PLA2G4F: variants seen among roughly 807,000 people sequenced by gnomAD.
The protein encoded by PLA2G4F is cytosolic phospholipase A2 zeta.
In PLA2G4F, 105 loss-of-function variants were observed where a neutral mutation model predicts 103.1. The ratio of observed to expected loss-of-function variants is 1.02; its 90% confidence interval spans 0.87 to 1.20. The LOEUF is 1.20. Among genes scored for constraint, PLA2G4F ranks in the 50% most tolerant of loss-of-function variants. The probability of loss-of-function intolerance (pLI) is 0.00; values close to 1 mark genes in which losing one functional copy is unlikely to be tolerated. For synonymous variants in PLA2G4F, 468 were observed against 441.1 expected (o/e 1.06, Z -0.76); for missense variants, 1,155 against 1,075.9 (o/e 1.07, Z -1.03).
rs773932991 is a variant in PLA2G4F at position 42,147,142 on chromosome 15, C to T, written c.1401G>A (p.Glu467=). 1.9e-6 allele frequency: 3 copies of T among 1,612,530 alleles called. No homozygotes were observed. Among genetic ancestry groups the T allele is most frequent in the Non-Finnish European group, 2.5e-6 (3 of 1,179,936 alleles). ...CTCTCACCTCCTGGTACAGGAGATA[C>T]TCAACAAGGAGGCCCCAGAGGTCGA... The part of the protein sequence containing the change: ...SLIDLWGLLV[E]YLLYQEENPA... The change falls in exon 13 of 20, where the codon GAG becomes GAA. Residue 467 remains glutamate (E), a synonymous_variant. Transcript: ENST00000397272.
chr15:42,156,113 T>C (rs1351405388), intron 1 of PLA2G4F, among the ~76,000 whole-genome samples: 1 of 151,834 alleles, frequency 6.6e-6, no homozygotes. Flanking sequence ...TTAGGAGAGA[T>C]AACATCAGCA....
rs1157914720 is a variant in PLA2G4F at position 42,139,680 on chromosome 15, C to T, written c.*2304G>A. The T allele has an allele frequency of 2.0e-5, 3 of 152,324 alleles. No homozygotes were observed. The highest frequency in any genetic ancestry group is 2.9e-5 in the Non-Finnish European group (2 of 68,154). The allele number at this position is 152,324 out of a possible 1,614,324, so 9.4% of individuals were successfully genotyped here. A position where few individuals can be genotyped will look rare whatever the true frequency, so the allele number is the denominator to read the frequency against. On this transcript the variant is annotated 3_prime_UTR_variant, in exon 20 of 20. Transcript: ENST00000397272. Reference sequence around the variant, plus strand: ...CTGGCTGGGTTACCTTCGGCCCCTCCCCTGGCTTCTTGCTCTGCGTGGCTC... The same window carrying T: ...CTGGCTGGGTTACCTTCGGCCCCTCTCCTGGCTTCTTGCTCTGCGTGGCTC...
intron 16 of PLA2G4F, among the ~76,000 whole-genome samples, chr15:42,145,103 G>A (rs187623497): frequency 2.6e-4 from 40 of 152,312 alleles, no homozygotes; most frequent in Admixed American, 2.5e-3. Context: ...GGGTAAGGAC[G>A]ACGACAGGGA....
At position 42,144,575 on chromosome 15, in the gene PLA2G4F, G is replaced by A. The variant is rs200217372; in HGVS notation, c.1850C>T (p.Pro617Leu). 179 of 1,613,204 alleles carry A rather than the reference G, an allele frequency of 1.1e-4. No individual in the cohort carries two copies. The highest frequency in any genetic ancestry group is 6.8e-6 in the Non-Finnish European group (8 of 1,179,908). ...LRTRLLTPQG[P>L]FSQAVLDIFT... ...TATGTCCAGCACAGCCTGGGAGAAG[G>A]GCCCCTGTGGGGTGAGGAGCCTCGT... Residue 617 changes from proline (P) to leucine (L), a missense_variant, in exon 17 of 20, where the codon CCC (proline) becomes CTC (leucine). By Grantham distance (98) the Pro-to-Leu change is moderately conservative (BLOSUM62 -3). This residue lies in a region of PLA2G4F where 782 missense variants were observed against 692.9 expected (regional missense o/e 1.13). Coordinates refer to ENST00000397272, the MANE Select transcript of PLA2G4F (RefSeq NM_213600.4).
chr15:42,141,589 G>C lies in PLA2G4F; in HGVS notation c.*395C>G, dbSNP rs1242301601. ...CTGCTTTCCATCTCAGTGTAAGGAG[G>C]ACAGCTGGCTTCTCAGTGCCCTCAG... On this transcript the variant is annotated 3_prime_UTR_variant, in exon 20 of 20. Coordinates refer to ENST00000397272, the MANE Select transcript of PLA2G4F (RefSeq NM_213600.4). 2 of 465,952 alleles carry C rather than the reference G, an allele frequency of 4.3e-6. No homozygotes were observed. Among genetic ancestry groups the C allele is most frequent in the East Asian group, 6.9e-5 (1 of 14,572 alleles). 28.9% of individuals were successfully genotyped at this position (465,952 alleles called of 1,614,324 possible).
intron 2 of PLA2G4F, 52 bp downstream of exon 2, chr15:42,155,465 G>C: frequency 6.3e-7 from 1 of 1,585,530 alleles, no homozygotes; most frequent in Non-Finnish European, 8.7e-7. Flanking sequence ...GCTGAGCTCT[G>C]AGGAAGCCGC....
At chr15:42,143,176 T>TTA (rs1434516088) in intron 18 of PLA2G4F, among the ~76,000 whole-genome samples, 3,677 of 89,606 alleles carry the variant, frequency 0.041, 197 homozygotes, top group African/African-American at 0.067. Context: ...AGACTCCATC[T>TTA]AAAAAAAAAA....
At chr15:42,145,062 TAA>T (rs546884032) in intron 16 of PLA2G4F, among the ~76,000 whole-genome samples, 69 of 151,950 alleles carry the variant, frequency 4.5e-4, no homozygotes, top group Non-Finnish European at 8.8e-4. Flanking sequence ...GAAAGTCACA[TAA>T]AGAGAGAATA....
chr15:42,152,558 A>G, intron 7 of PLA2G4F, 130 bp downstream of exon 7: 1 of 971,718 alleles, frequency 1.0e-6, no homozygotes, highest in Admixed American at 2.0e-5. Flanking sequence ...TGAACAATCC[A>G]TCCCATCGTT....
intron 7 of PLA2G4F, 62 bp downstream of exon 7, chr15:42,152,626 A>G: frequency 6.6e-7 from 1 of 1,511,858 alleles, no homozygotes; most frequent in Non-Finnish European, 9.0e-7. Context: ...CACCTCCTTG[A>G]CATCAGTAGT....
At position 42,139,119 on chromosome 15, in the gene PLA2G4F, G is replaced by C. The variant is rs1423149661; in HGVS notation, c.*2865C>G. The C allele has an allele frequency of 6.6e-6, 1 of 152,290 alleles. No individual in the cohort carries two copies. Among genetic ancestry groups the C allele is most frequent in the Non-Finnish European group, 1.5e-5 (1 of 68,068 alleles). 9.4% of individuals were successfully genotyped at this position (152,290 alleles called of 1,614,324 possible). A position where few individuals can be genotyped will look rare whatever the true frequency, so the allele number is the denominator to read the frequency against. Reference sequence around the variant, plus strand: ...AGCTGGAGCTGCTTGCTTTTATTCAGTGCAGGCACAATGCCAAAAGCCTGG... The same window carrying C: ...AGCTGGAGCTGCTTGCTTTTATTCACTGCAGGCACAATGCCAAAAGCCTGG... On this transcript the variant is annotated 3_prime_UTR_variant, in exon 20 of 20. Transcript: ENST00000397272.
intron 11 of PLA2G4F, among the ~76,000 whole-genome samples, chr15:42,148,307 T>C (rs2048915858): frequency 6.6e-6 from 1 of 151,994 alleles, no homozygotes. Flanking sequence ...GCAGTATGGC[T>C]CCAGAGATAG....
chr15:42,146,071 T>C, intron 14 of PLA2G4F, 56 bp downstream of exon 14: 1 of 1,598,538 alleles, frequency 6.3e-7, no homozygotes. Context: ...CCCTGGCCTC[T>C]CACCTCCTCC....
Position 42,147,307 on chromosome 15 carries a change from C to T in PLA2G4F, c.1236G>A (p.Gln412=). 1 of 1,609,964 alleles carries T rather than the reference C, an allele frequency of 6.2e-7. No homozygotes were observed. Among genetic ancestry groups the T allele is most frequent in the South Asian group, 1.1e-5 (1 of 90,990 alleles). ...GCTCAATGGGGCCCTGCAAGGCCACCTGGGACCAGGCTGGGTCCCTGTAGA... is the reference window on the plus strand; with the variant it reads ...GCTCAATGGGGCCCTGCAAGGCCACTTGGGACCAGGCTGGGTCCCTGTAGA... ...STLYRDPAWS[Q]VALQGPIERA... Residue 412 remains glutamine, a synonymous_variant, in exon 13 of 20, where the codon CAG becomes CAA. Coordinates refer to ENST00000397272, the MANE Select transcript of PLA2G4F (RefSeq NM_213600.4).
At chr15:42,144,264 A>G in intron 17 of PLA2G4F, 120 bp from the exon 18 acceptor site, 2 of 1,404,100 alleles carry the variant, frequency 1.4e-6, no homozygotes, top group Non-Finnish European at 1.9e-6. Flanking sequence ...AGCCATGGAG[A>G]CTCCTGCCCC....
chr15:42,152,224 C>G (rs2048968177), intron 7 of PLA2G4F, among the ~76,000 whole-genome samples: 1 of 152,228 alleles, frequency 6.6e-6, no homozygotes, highest in Non-Finnish European at 1.5e-5. Context: ...CTGTTTTGGC[C>G]AATAACATGT....
intron 17 of PLA2G4F, 75 bp from the exon 18 acceptor site, chr15:42,144,219 C>T (rs2048855645): frequency 6.6e-7 from 1 of 1,504,402 alleles, no homozygotes. Context: ...TATTTGCATT[C>T]ACGTTTGCCT....
chr15:42,153,478 A>G, intron 5 of PLA2G4F, 136 bp from the exon 6 acceptor site: 1 of 1,464,336 alleles, frequency 6.8e-7, no homozygotes. Flanking sequence ...CTGCCGCCCA[A>G]CATGCAGATG....
chr15:42,147,287 A>G lies in PLA2G4F; in HGVS notation c.1256T>C (p.Ile419Thr), dbSNP rs190200772. ...AWSQVALQGP[I>T]ERAQVHVCSS... Reference sequence around the variant, plus strand: ...GCAGACGTGAACCTGGGCACGCTCAATGGGGCCCTGCAAGGCCACCTGGGA... The same window carrying G: ...GCAGACGTGAACCTGGGCACGCTCAGTGGGGCCCTGCAAGGCCACCTGGGA... The change falls in exon 13 of 20, where the codon ATT becomes ACT. Residue 419 changes from isoleucine to threonine, a missense_variant. Ile to Thr is a moderately conservative substitution (Grantham distance 89). Around this residue, in one of 3 missense-constraint regions of PLA2G4F, gnomAD observed 782 missense variants for 692.9 expected, o/e 1.13. Coordinates refer to ENST00000397272, the MANE Select transcript of PLA2G4F (RefSeq NM_213600.4). 1.9e-6 allele frequency: 3 copies of G among 1,611,116 alleles called. No homozygotes were observed. The highest frequency in any genetic ancestry group is 2.2e-5 in the East Asian group (1 of 44,864).
Sources: gnomAD v4.1 joint callset for allele counts (sites outside exome capture counted in the v4.1 genomes callset) on GRCh38, gnomAD v4.1.1 for gene constraint, gnomAD v4.1.1 regional missense constraint, MANE v1.5 for transcripts, NCBI Gene and HGNC (gene_info 2026-07-23, HGNC 2026-07-21) for gene names.